The following ABCA5 variants were observed in gnomAD, a reference collection of about 807,000 sequenced individuals.
ABCA5 encodes ATP binding cassette subfamily A member 5.
A neutral mutation model predicts 206.0 loss-of-function variants in ABCA5; 163 were observed. That is an observed-to-expected ratio of 0.79 (90% CI 0.70 to 0.90). The LOEUF is 0.90. Among genes scored for constraint, ABCA5 ranks in the 40% least tolerant of loss-of-function variants. The pLI, the probability that ABCA5 is intolerant of heterozygous loss-of-function variation, is 0.00. For missense variants in ABCA5, 1,859 were observed against 1,912.9 expected (o/e 0.97, Z 0.53); for synonymous variants, 609 against 613.8 (o/e 0.99, Z 0.11).
chr17:69,304,607 C>A, intron 7 of ABCA5, 62 bp downstream of exon 7: 1 of 1,350,708 alleles, frequency 7.4e-7, no homozygotes, highest in Non-Finnish European at 9.8e-7. Context: ...AAGAAAAAGA[C>A]TTTGCTATGT....
At chr17:69,315,529 A>AT (rs2075807880) in intron 1 of ABCA5, 1 of 152,504 alleles carries the variant, frequency 6.6e-6, no homozygotes, top group Non-Finnish European at 1.5e-5. Context: ...TCACGCCTGT[A>AT]ATCCCAGCAC....
At position 69,254,487 on chromosome 17, in the gene ABCA5, A is replaced by C; in HGVS notation, c.4072T>G (p.Phe1358Val). The C allele has an allele frequency of 6.2e-7, 1 of 1,610,070 alleles. No homozygotes were observed. The highest frequency in any genetic ancestry group is 2.2e-5 in the East Asian group (1 of 44,690). Residue 1358 changes from phenylalanine (F) to valine (V), a missense_variant, in exon 32 of 39, where the codon TTT becomes GTT. By Grantham distance (50) the Phe-to-Val change is conservative. Transcript: ENST00000392676. ...GTCTCTGAAGAATAATCTCCTAAAA[A>C]TACCTATAGAAACACAAACCAATTT... is the stretch of plus-strand genomic sequence containing the variant. Reference protein sequence around the residue: ...GDIEPTSGQVFLGDYSSETSE... With the variant: ...GDIEPTSGQVVLGDYSSETSE...
chr17:69,280,158 A>C (rs987132608), intron 18 of ABCA5, among the ~76,000 whole-genome samples: 2 of 152,024 alleles, frequency 1.3e-5, no homozygotes, highest in Non-Finnish European at 2.9e-5. Context: ...AATATCCAGA[A>C]TCTACAATGA....
intron 18 of ABCA5, among the ~76,000 whole-genome samples, chr17:69,279,254 C>T (rs1389774628): frequency 1.3e-5 from 2 of 151,746 alleles, no homozygotes; most frequent in Admixed American, 1.3e-4. Flanking sequence ...AGACAGAGAG[C>T]CAAATCATGA....
chr17:69,249,763 A>T, intron 37 of ABCA5, 142 bp downstream of exon 37: 1 of 1,157,238 alleles, frequency 8.6e-7, no homozygotes, highest in Non-Finnish European at 1.2e-6. Context: ...AAACTTTTTA[A>T]ATAAAATTCT....
chr17:69,295,938 A>C (rs189717622), intron 10 of ABCA5, among the ~76,000 whole-genome samples: 124 of 152,280 alleles, frequency 8.1e-4, no homozygotes, highest in African/African-American at 2.9e-3. Flanking sequence ...TCAACTATAA[A>C]ATTATTTTAA....
At chr17:69,291,445 T>G (rs538054145) in intron 11 of ABCA5, 119 bp from the exon 12 acceptor site, 6 of 520,280 alleles carry the variant, frequency 1.2e-5, no homozygotes, top group Non-Finnish European at 1.6e-5. Context: ...TATTTAAAGT[T>G]ACCAGCATAT....
rs1343124760 is a variant in ABCA5, at chr17:69,245,357, A to G, written c.*2180T>C. Reference sequence around the variant, plus strand: ...GATGTTGCTTTTGCCTAATATGTATATTTATTTATTTATCTGTACTGACAT... The same window carrying G: ...GATGTTGCTTTTGCCTAATATGTATGTTTATTTATTTATCTGTACTGACAT... On this transcript the variant is annotated 3_prime_UTR_variant, in exon 39 of 39. Transcript: ENST00000392676. 1 of 151,872 alleles carries G rather than the reference A, an allele frequency of 6.6e-6. No individual in the cohort carries two copies. Among genetic ancestry groups the G allele is most frequent in the Non-Finnish European group, 1.5e-5 (1 of 67,830 alleles). The allele number at this position is 151,872 out of a possible 1,614,324, so 9.4% of individuals were successfully genotyped here. A position where few individuals can be genotyped will look rare whatever the true frequency, so the allele number is the denominator to read the frequency against.
chr17:69,259,125 G>T (rs969744924), intron 28 of ABCA5, among the ~76,000 whole-genome samples: 2 of 151,858 alleles, frequency 1.3e-5, no homozygotes, highest in African/African-American at 4.8e-5. Flanking sequence ...ACAAACAGTT[G>T]TATACAAACT....
intron 28 of ABCA5, among the ~76,000 whole-genome samples, chr17:69,257,742 G>T (rs1348917180): frequency 6.6e-6 from 1 of 151,414 alleles, no homozygotes; most frequent in Non-Finnish European, 1.5e-5. Context: ...ACACTATTGA[G>T]ATCTAGAAAG....
In ABCA5 at chr17:69,289,901, A is replaced by G. The variant is rs1284558858; in HGVS notation, c.1743T>C (p.Ala581=). The change falls in exon 13 of 39, where the codon GCT becomes GCC. Residue 581 remains alanine, a synonymous_variant. Transcript: ENST00000392676. ...TGTTGGCTGGTATCCCTTTGATTGAAGCCAAAATTGATAAATTTTCTTCTA... is the reference window on the plus strand; with the variant it reads ...TGTTGGCTGGTATCCCTTTGATTGAGGCCAAAATTGATAAATTTTCTTCTA... ...LTVEENLSIL[A]SIKGIPANNI... 1 of 1,611,654 alleles carries G rather than the reference A, an allele frequency of 6.2e-7. No individual in the cohort carries two copies.
chr17:69,266,635 G>GA (rs891556335), intron 23 of ABCA5, among the ~76,000 whole-genome samples: 1 of 145,742 alleles, frequency 6.9e-6, no homozygotes. Flanking sequence ...ATTTATATTG[G>GA]AAAAAAAATG....
At chr17:69,255,683 TAGA>T in intron 30 of ABCA5, 47 bp downstream of exon 30, 7 of 1,573,574 alleles carry the variant, frequency 4.4e-6, no homozygotes, top group Non-Finnish European at 6.0e-6. Context: ...ATACTAAAAG[TAGA>T]AATTACTCTT....
At chr17:69,315,798 T>C (rs1399417358) in intron 1 of ABCA5, among the ~76,000 whole-genome samples, 1 of 130,946 alleles carries the variant, frequency 7.6e-6, no homozygotes, top group Middle Eastern at 4.0e-3. Flanking sequence ...AAAAAAAAAA[T>C]AGCAACTCTA....
rs1365049153 is a variant in ABCA5, at chr17:69,246,829, T to C, written c.*708A>G. 1.3e-5 allele frequency: 2 copies of C among 151,998 alleles called. No homozygotes were observed. Among genetic ancestry groups the C allele is most frequent in the African/African-American group, 4.8e-5 (2 of 41,458 alleles). 9.4% of individuals were successfully genotyped at this position (151,998 alleles called of 1,614,324 possible). ...AGAATCAGACTATTACGTAAGATTC[T>C]ACACACAGTCTTCCTTTAATTATAA... On this transcript the variant is annotated 3_prime_UTR_variant, in exon 39 of 39. Coordinates refer to ENST00000392676, the MANE Select transcript of ABCA5 (RefSeq NM_172232.4).
At chr17:69,262,735 G>A (rs1455375933) in intron 24 of ABCA5, among the ~76,000 whole-genome samples, 1 of 151,918 alleles carries the variant, frequency 6.6e-6, no homozygotes, top group East Asian at 1.9e-4. Flanking sequence ...TTTTCTTTTG[G>A]ATATATACCC....
At chr17:69,277,574 G>A in intron 19 of ABCA5, 67 bp downstream of exon 19, 1 of 1,240,890 alleles carries the variant, frequency 8.1e-7, no homozygotes, top group Non-Finnish European at 1.1e-6. Context: ...TAAAAATTAA[G>A]ATGGTAAAAC....
intron 10 of ABCA5, 68 bp from the exon 11 acceptor site, chr17:69,294,781 G>T: frequency 9.8e-7 from 1 of 1,017,766 alleles, no homozygotes; most frequent in Non-Finnish European, 1.4e-6. Flanking sequence ...TATTTACCAT[G>T]CATATTTTTA....
rs1255147523 is a variant in ABCA5, at chr17:69,304,761, G to T, written c.838C>A (p.Leu280Ile). Residue 280 changes from leucine to isoleucine, a missense_variant, in exon 7 of 39, where the codon CTT (leucine) becomes ATT (isoleucine). Coordinates refer to ENST00000392676, the MANE Select transcript of ABCA5 (RefSeq NM_172232.4). ...YTSLIFLMSLLMAVIATASLL... is the reference protein window; with the variant it reads ...YTSLIFLMSLIMAVIATASLL... ...GAAGCTGTCGCAATGACTGCCATAAGAAGGGACATAAGAAAAATTAAACTT... is the reference window on the plus strand; with the variant it reads ...GAAGCTGTCGCAATGACTGCCATAATAAGGGACATAAGAAAAATTAAACTT... The T allele has an allele frequency of 6.2e-7, 1 of 1,608,684 alleles. No homozygotes were observed.
Sources: gnomAD v4.1 joint callset for allele counts (sites outside exome capture counted in the v4.1 genomes callset) on GRCh38, gnomAD v4.1.1 for gene constraint, MANE v1.5 for transcripts, NCBI Gene and HGNC (gene_info 2026-07-23, HGNC 2026-07-21) for gene names.